PCLAF: variants seen among roughly 807,000 people sequenced by gnomAD.
PCLAF encodes PCNA-associated factor.
A neutral mutation model predicts 15.1 loss-of-function variants in PCLAF; 12 were observed. That is an observed-to-expected ratio of 0.79 (90% CI 0.51 to 1.29). The LOEUF (loss-of-function observed/expected upper bound fraction) is 1.29, where lower values mean the gene tolerates loss of function less well. Among genes scored for constraint, PCLAF ranks in the 50% most tolerant of loss-of-function variants. PCLAF has a pLI of 0.00. For missense variants in PCLAF, 116 were observed against 130.9 expected (o/e 0.89, Z 0.56); for synonymous variants, 33 against 47.1 (o/e 0.70, Z 1.22).
At chr15:64,385,827 T>C (rs745657117), upstream of PCLAF, among the ~76,000 whole-genome samples, 2 of 151,706 alleles carry the variant, frequency 1.3e-5, no homozygotes, top group Non-Finnish European at 2.9e-5. Flanking sequence ...TGAGAAAAAA[T>C]ATTTCTTCCT....
At chr15:64,387,445 A>G in intron 1 of PCLAF, 1 of 1,229,376 alleles carries the variant, frequency 8.1e-7, no homozygotes, top group African/African-American at 1.6e-5. Flanking sequence ...GCAAAAACTT[A>G]CAGCGCTTAC....
At chr15:64,381,539 C>A, upstream of PCLAF, 1 of 1,490,774 alleles carries the variant, frequency 6.7e-7, no homozygotes, top group Non-Finnish European at 8.9e-7. Context: ...GCGCCGTTCC[C>A]CCTGAACCAA....
At chr15:64,370,207 G>A (rs527719305) in intron 3 of PCLAF, among the ~76,000 whole-genome samples, 4 of 150,576 alleles carry the variant, frequency 2.7e-5, no homozygotes, top group Non-Finnish European at 5.9e-5. Flanking sequence ...CTCCAGAGTA[G>A]TCAGGACTAC....
intron 2 of PCLAF, among the ~76,000 whole-genome samples, chr15:64,378,515 C>T (rs1397649966): frequency 6.6e-6 from 1 of 152,140 alleles, no homozygotes; most frequent in Non-Finnish European, 1.5e-5. Flanking sequence ...AGGCAACCGT[C>T]CCGCCTTCGC....
At chr15:64,368,318 TA>T (rs1161738262) in intron 3 of PCLAF, among the ~76,000 whole-genome samples, 1 of 151,452 alleles carries the variant, frequency 6.6e-6, no homozygotes, top group Admixed American at 6.6e-5. Flanking sequence ...TCTGTCTCAG[TA>T]AAAAAAACAA....
At chr15:64,374,498 C>T (rs532053201) in intron 3 of PCLAF, among the ~76,000 whole-genome samples, 9 of 151,554 alleles carry the variant, frequency 5.9e-5, no homozygotes, top group East Asian at 5.8e-4. Context: ...GAGATTGCAC[C>T]ACTGCACTCC....
upstream of PCLAF, among the ~76,000 whole-genome samples, chr15:64,383,846 C>G (rs1013346270): frequency 2.0e-5 from 3 of 151,974 alleles, no homozygotes; most frequent in Non-Finnish European, 4.4e-5. Context: ...TATTTCCACC[C>G]GGGGCAGTCT....
At chr15:64,372,380 C>T (rs1026701841) in intron 3 of PCLAF, among the ~76,000 whole-genome samples, 1 of 151,986 alleles carries the variant, frequency 6.6e-6, no homozygotes, top group Non-Finnish European at 1.5e-5. Flanking sequence ...TTTGGGAGGC[C>T]GAGGCGGGTG....
chr15:64,374,440 G>C (rs1490423251), intron 3 of PCLAF, among the ~76,000 whole-genome samples: 1 of 152,072 alleles, frequency 6.6e-6, no homozygotes, highest in East Asian at 1.9e-4. Context: ...TTGGGAGGGT[G>C]AGGGAGGAGA....
At chr15:64,380,878 C>G in intron 2 of PCLAF, 80 bp downstream of exon 2, 4 of 1,282,330 alleles carry the variant, frequency 3.1e-6, no homozygotes, top group Non-Finnish European at 4.4e-6. Context: ...GTGAGTACCT[C>G]AAGAAAAAGA....
chr15:64,376,086 G>A (rs754801865), intron 3 of PCLAF, among the ~76,000 whole-genome samples: 2 of 152,254 alleles, frequency 1.3e-5, no homozygotes, highest in East Asian at 1.9e-4. Flanking sequence ...TTAGCTGGGC[G>A]TGGTGGCGTG....
chr15:64,371,675 C>T (rs1899321885), intron 3 of PCLAF, among the ~76,000 whole-genome samples: 1 of 152,184 alleles, frequency 6.6e-6, no homozygotes, highest in Non-Finnish European at 1.5e-5. Context: ...GCAATCTTGG[C>T]TCACTCCACC....
intron 2 of PCLAF, 70 bp from the exon 3 acceptor site, chr15:64,376,975 T>C: frequency 4.1e-6 from 5 of 1,231,080 alleles, no homozygotes; most frequent in Non-Finnish European, 5.7e-6. Context: ...AACAACTTAA[T>C]TCCTTCTTTA....
chr15:64,386,404 T>C (rs550479327), upstream of PCLAF, among the ~76,000 whole-genome samples: 42 of 152,312 alleles, frequency 2.8e-4, no homozygotes, highest in Middle Eastern at 3.4e-3. Flanking sequence ...CACTTCAAGC[T>C]TGACCTTCCA....
At chr15:64,379,263 G>A (rs1354241202) in intron 2 of PCLAF, among the ~76,000 whole-genome samples, 1 of 151,960 alleles carries the variant, frequency 6.6e-6, no homozygotes, top group Non-Finnish European at 1.5e-5. Flanking sequence ...GATTGCTTCA[G>A]CCCAGGAGTT....
exon 1 of PCLAF, chr15:64,387,631 G>T: frequency 7.2e-7 from 1 of 1,398,132 alleles, no homozygotes; most frequent in Non-Finnish European, 9.3e-7. Flanking sequence ...TTTAGCGATT[G>T]GCAAGAATCA....
chr15:64,365,099 T>G lies in PCLAF; in HGVS notation c.*931A>C, dbSNP rs1898977755. ...CTCACTGCAAGCTCCACTTCCCGGG[T>G]TCACGCCATTCTCCTGCCTCAGCCT... On this transcript the variant is annotated 3_prime_UTR_variant, in exon 4 of 4. Coordinates refer to ENST00000300035, the MANE Select transcript of PCLAF (RefSeq NM_014736.6). 1 of 147,760 alleles carries G rather than the reference T, an allele frequency of 6.8e-6. No homozygotes were observed. The highest frequency in any genetic ancestry group is 2.5e-5 in the African/African-American group (1 of 39,896). 9.2% of individuals were successfully genotyped at this position (147,760 alleles called of 1,614,324 possible).
chr15:64,366,967 TA>T lies in PCLAF; in HGVS notation c.291-893del, dbSNP rs1262873453. ...CAGCCTCGGGGACAGAGAGCCTGTC[TA>T]AAAAAAAAAAAAATTAGTTGGTCGT... On this transcript the variant is annotated intron_variant, in intron 3 of 3. Coordinates refer to ENST00000300035, the MANE Select transcript of PCLAF (RefSeq NM_014736.6). Among the ~76,000 whole-genome samples the T allele has an allele frequency of 2.3e-3, 324 of 138,160 alleles. 1 individual carries two copies. The highest frequency in any genetic ancestry group is 3.8e-3 in the Middle Eastern group (1 of 264). The allele number at this position is 138,160 out of a possible 152,430, so 90.6% of individuals were successfully genotyped here.
At chr15:64,375,250 G>C (rs541587914) in intron 3 of PCLAF, among the ~76,000 whole-genome samples, 2 of 151,670 alleles carry the variant, frequency 1.3e-5, no homozygotes, top group African/African-American at 2.4e-5. Context: ...TCAGCCTCCC[G>C]AGTAGCTGAG....
Sources: allele counts gnomAD v4.1 joint callset (sites outside exome capture counted in the v4.1 genomes callset), GRCh38; gene constraint gnomAD v4.1.1; transcripts MANE v1.5; gene names NCBI Gene and HGNC (gene_info 2026-07-23, HGNC 2026-07-21).